Variants in STARD13 observed in about 807,000 individuals in gnomAD.
STARD13 encodes the protein StAR related lipid transfer domain containing 13.
Under a neutral mutation model 106.4 loss-of-function variants are expected in STARD13, and 62 were observed. That is an observed-to-expected ratio of 0.58 (90% CI 0.48 to 0.72). The LOEUF is 0.72. Among genes scored for constraint, STARD13 ranks in the 30% least tolerant of loss-of-function variants. STARD13 has a pLI of 0.00. For synonymous variants in STARD13, 565 were observed against 553.0 expected (o/e 1.02, Z -0.31); for missense variants, 1,387 against 1,424.0 (o/e 0.97, Z 0.42).
the STARD13 span, among the ~76,000 whole-genome samples, chr13:33,650,254 G>A: frequency 1.7e-5 from 2 of 120,130 alleles, no homozygotes; most frequent in Non-Finnish European, 3.2e-5. Context: ...GCAGTGGCGC[G>A]ATCTCTGCTC....
At chr13:33,557,494 C>T in the STARD13 span, among the ~76,000 whole-genome samples, 1 of 152,086 alleles carries the variant, frequency 6.6e-6, no homozygotes, top group African/African-American at 2.4e-5. Flanking sequence ...TGCTCACTTT[C>T]TTGAAATTTA....
chr13:33,208,873 T>C (rs1180288101), intron 1 of STARD13, among the ~76,000 whole-genome samples: 1 of 152,188 alleles, frequency 6.6e-6, no homozygotes, highest in African/African-American at 2.4e-5. Context: ...TTTCAGCATC[T>C]TTCATTGCAA....
downstream of STARD13, chr13:33,348,593 ATT>A (rs2078040290): frequency 6.5e-6 from 1 of 153,510 alleles, no homozygotes; most frequent in Non-Finnish European, 1.5e-5. Flanking sequence ...TGAAAGAAAC[ATT>A]TGCAGTAAGC....
At chr13:33,417,328 T>C in the STARD13 span, among the ~76,000 whole-genome samples, 55 of 152,326 alleles carry the variant, frequency 3.6e-4, no homozygotes, top group African/African-American at 1.3e-3. Flanking sequence ...CTCTTCAAAA[T>C]GTTAAACACA....
At chr13:33,597,566 C>T in the STARD13 span, among the ~76,000 whole-genome samples, 2 of 152,030 alleles carry the variant, frequency 1.3e-5, no homozygotes, top group East Asian at 3.9e-4. Flanking sequence ...AAAATTGCAA[C>T]CAGGCGCGGT....
the STARD13 span, among the ~76,000 whole-genome samples, chr13:33,517,242 G>A: frequency 6.6e-6 from 1 of 151,714 alleles, no homozygotes; most frequent in Non-Finnish European, 1.5e-5. Flanking sequence ...TTGTCCCATG[G>A]GCATTAACAT....
the STARD13 span, among the ~76,000 whole-genome samples, chr13:33,618,967 T>A: frequency 6.6e-6 from 1 of 151,940 alleles, no homozygotes; most frequent in South Asian, 2.1e-4. Flanking sequence ...CCAAGGGATA[T>A]ACCGTGCATT....
chr13:33,185,982 T>G, intron 1 of STARD13: 1 of 1,614,216 alleles, frequency 6.2e-7, no homozygotes, highest in African/African-American at 1.3e-5. Context: ...CAAAGGGGCC[T>G]GGTTAACGTT....
At chr13:33,233,044 A>G (rs2138217449) in intron 1 of STARD13, among the ~76,000 whole-genome samples, 1 of 152,338 alleles carries the variant, frequency 6.6e-6, no homozygotes, top group African/African-American at 2.4e-5. Context: ...AACCCCTGGC[A>G]CTTCAGTAAC....
chr13:33,206,366 AACACACACACAC>A (rs59306930), intron 1 of STARD13, among the ~76,000 whole-genome samples: 13 of 149,574 alleles, frequency 8.7e-5, no homozygotes, highest in African/African-American at 2.9e-4. Flanking sequence ...CCATGACTGA[AACACACACACAC>A]ACACACACAC....
the STARD13 span, among the ~76,000 whole-genome samples, chr13:33,468,393 A>G: frequency 6.6e-6 from 1 of 152,168 alleles, no homozygotes; most frequent in Non-Finnish European, 1.5e-5. Flanking sequence ...CCCAAGGTTC[A>G]TGTGTCAGTC....
chr13:33,465,514 C>T, the STARD13 span, among the ~76,000 whole-genome samples: 7 of 152,132 alleles, frequency 4.6e-5, no homozygotes, highest in Admixed American at 1.3e-4. Context: ...TCTTTTCTTC[C>T]GCTTTTGTAT....
chr13:33,150,802 G>A (rs1316761253), intron 3 of STARD13, among the ~76,000 whole-genome samples: 2 of 152,178 alleles, frequency 1.3e-5, no homozygotes, highest in Admixed American at 6.5e-5. Context: ...GGGCTAATAC[G>A]CTAGCAAATG....
At chr13:33,478,670 C>A in the STARD13 span, among the ~76,000 whole-genome samples, 2 of 152,104 alleles carry the variant, frequency 1.3e-5, no homozygotes, top group East Asian at 3.8e-4. Flanking sequence ...AATCCAAGCA[C>A]TTTGGGAGGT....
At chr13:33,262,424 C>G (rs551408195) in intron 1 of STARD13, among the ~76,000 whole-genome samples, 87 of 152,230 alleles carry the variant, frequency 5.7e-4, no homozygotes, top group African/African-American at 2.1e-3. Context: ...CACTTTTCAG[C>G]CTGCCTGTTA....
chr13:33,335,683 A>G lies in STARD13; in HGVS notation c.124+14607T>C, dbSNP rs972880168. ...GTGCCATACGCACAGCAAGCAACCA[A>G]CGAGGTGTGTGGAGGCTGAAATTCA... On this transcript the variant is annotated intron_variant, in intron 1 of 5. Transcript: ENST00000567873. Among the ~76,000 whole-genome samples, 2 of 152,220 alleles carry G rather than the reference A, an allele frequency of 1.3e-5. 1 individual carries two copies. Among genetic ancestry groups the G allele is most frequent in the South Asian group, 4.1e-4 (2 of 4,836 alleles).
At chr13:33,131,658 C>G (rs143682976) in intron 4 of STARD13, among the ~76,000 whole-genome samples, 2 of 152,152 alleles carry the variant, frequency 1.3e-5, no homozygotes, top group African/African-American at 4.8e-5. Context: ...ATATGTATAG[C>G]CTGTCCAATG....
chr13:33,147,100 T>C (rs2138259507), intron 3 of STARD13, among the ~76,000 whole-genome samples: 1 of 152,358 alleles, frequency 6.6e-6, no homozygotes, highest in South Asian at 2.1e-4. Flanking sequence ...CCCAGGGTGT[T>C]TGTCAAAGAC....
the STARD13 span, among the ~76,000 whole-genome samples, chr13:33,674,322 AAT>A: frequency 2.6e-5 from 4 of 152,240 alleles, no homozygotes; most frequent in African/African-American, 9.6e-5. Context: ...ATGAAATCAT[AAT>A]AGTTAATTTC....
Sources: allele counts gnomAD v4.1 joint callset (sites outside exome capture counted in the v4.1 genomes callset), GRCh38; gene constraint gnomAD v4.1.1; transcripts MANE v1.5; gene names NCBI Gene and HGNC (gene_info 2026-07-23, HGNC 2026-07-21).